Variants in MIPEP observed in about 807,000 individuals in gnomAD.
MIPEP encodes the protein mitochondrial intermediate peptidase.
A neutral mutation model predicts 90.3 loss-of-function variants in MIPEP; 79 were observed. The observed-to-expected ratio is 0.87, with a 90% CI of 0.73 to 1.05. MIPEP has a LOEUF of 1.05. Ranked by LOEUF, MIPEP falls within the 50% of genes least tolerant of loss-of-function variation. The pLI is 0.00. For missense variants in MIPEP, 940 were observed against 905.6 expected (o/e 1.04, Z -0.49); for synonymous variants, 334 against 315.8 (o/e 1.06, Z -0.61).
intron 2 of MIPEP, among the ~76,000 whole-genome samples, chr13:23,882,208 T>C (rs1325096157): frequency 6.6e-6 from 1 of 152,116 alleles, no homozygotes; most frequent in Non-Finnish European, 1.5e-5. Context: ...TAGCTGTGAC[T>C]ACAGGTGCCC....
intron 14 of MIPEP, 49 bp downstream of exon 14, chr13:23,836,191 G>C: frequency 8.2e-7 from 1 of 1,214,980 alleles, no homozygotes; most frequent in South Asian, 1.6e-5. Context: ...TGTCATAAAC[G>C]CCAACTATCA....
chr13:23,731,987 T>TA (rs1331614342), intron 18 of MIPEP, among the ~76,000 whole-genome samples: 1 of 149,372 alleles, frequency 6.7e-6, no homozygotes, highest in African/African-American at 2.5e-5. Context: ...TTTTTTTTTT[T>TA]TTTTTTTAAA....
chr13:23,845,881 TC>T (rs1869516768), intron 10 of MIPEP, among the ~76,000 whole-genome samples: 1 of 152,166 alleles, frequency 6.6e-6, no homozygotes, highest in Non-Finnish European at 1.5e-5. Context: ...ATATTTATAG[TC>T]TATATTTTAG....
intron 17 of MIPEP, among the ~76,000 whole-genome samples, chr13:23,757,199 G>A (rs1353775604): frequency 1.3e-5 from 2 of 152,086 alleles, no homozygotes; most frequent in Non-Finnish European, 1.5e-5. Flanking sequence ...AGTCTCATAA[G>A]GAGTGCCCAT....
intron 16 of MIPEP, among the ~76,000 whole-genome samples, chr13:23,802,457 A>G (rs1389774343): frequency 1.3e-5 from 2 of 151,920 alleles, no homozygotes; most frequent in Non-Finnish European, 2.9e-5. Context: ...AATCCCAGCT[A>G]CTCAGGAGGC....
At chr13:23,861,575 T>C (rs981624761) in intron 9 of MIPEP, among the ~76,000 whole-genome samples, 2 of 152,200 alleles carry the variant, frequency 1.3e-5, no homozygotes, top group Non-Finnish European at 2.9e-5. Context: ...CAAGGCCCAT[T>C]TCCCTAAATC....
At chr13:23,820,226 T>C (rs1318440539) in intron 14 of MIPEP, among the ~76,000 whole-genome samples, 2 of 152,226 alleles carry the variant, frequency 1.3e-5, no homozygotes, top group African/African-American at 2.4e-5. Context: ...CGTGCTTGTG[T>C]TGACTGAACA....
At chr13:23,768,324 T>C (rs867298458) in intron 16 of MIPEP, among the ~76,000 whole-genome samples, 2 of 152,358 alleles carry the variant, frequency 1.3e-5, no homozygotes, top group Middle Eastern at 3.4e-3. Context: ...ACTTTGTTTC[T>C]ACCATGTCTG....
chr13:23,770,766 A>T (rs1177318682), intron 16 of MIPEP, among the ~76,000 whole-genome samples: 1 of 152,148 alleles, frequency 6.6e-6, no homozygotes, highest in Admixed American at 6.5e-5. Context: ...TTTATTGAAG[A>T]GGGGGTAGAA....
intron 10 of MIPEP, among the ~76,000 whole-genome samples, chr13:23,858,283 T>C (rs1256694854): frequency 2.0e-5 from 3 of 151,980 alleles, no homozygotes; most frequent in Non-Finnish European, 4.4e-5. Context: ...TTCTCCAATA[T>C]AATAAACACA....
intron 16 of MIPEP, among the ~76,000 whole-genome samples, chr13:23,790,748 C>T (rs545798480): frequency 3.7e-4 from 57 of 152,344 alleles, no homozygotes; most frequent in African/African-American, 1.3e-3. Context: ...AGCCCATTAA[C>T]ACTCACTGTG....
chr13:23,776,733 G>C (rs1051108772), intron 16 of MIPEP, among the ~76,000 whole-genome samples: 4 of 151,940 alleles, frequency 2.6e-5, no homozygotes, highest in Non-Finnish European at 5.9e-5. Flanking sequence ...CACTGGGCAG[G>C]ATAAGTTAAC....
chr13:23,783,173 A>C (rs1440068521), intron 16 of MIPEP, among the ~76,000 whole-genome samples: 1 of 152,188 alleles, frequency 6.6e-6, no homozygotes, highest in Non-Finnish European at 1.5e-5. Context: ...TTTTAGACCA[A>C]TATCCCTGAT....
chr13:23,826,094 A>T (rs1425991205), intron 14 of MIPEP, among the ~76,000 whole-genome samples: 1 of 152,172 alleles, frequency 6.6e-6, no homozygotes, highest in Non-Finnish European at 1.5e-5. Context: ...AACAAGAAAC[A>T]TATAAAGATT....
At chr13:23,767,684 C>T (rs1008130282) in intron 16 of MIPEP, among the ~76,000 whole-genome samples, 31 of 152,120 alleles carry the variant, frequency 2.0e-4, no homozygotes, top group Non-Finnish European at 1.6e-4. Context: ...GAACTCCTGA[C>T]CTCGTGATCT....
At chr13:23,862,788 G>A (rs1870363448) in intron 8 of MIPEP, among the ~76,000 whole-genome samples, 1 of 152,052 alleles carries the variant, frequency 6.6e-6, no homozygotes, top group South Asian at 2.1e-4. Context: ...AACTCTAGCT[G>A]GTCAATAATT....
chr13:23,870,719 C>T (rs181063581), intron 5 of MIPEP, among the ~76,000 whole-genome samples: 22 of 152,120 alleles, frequency 1.4e-4, no homozygotes, highest in African/African-American at 5.3e-4. Flanking sequence ...GCACGAGAAT[C>T]GCTCGAACCC....
chr13:23,828,484 G>A (rs910983863), intron 14 of MIPEP, among the ~76,000 whole-genome samples: 1 of 152,196 alleles, frequency 6.6e-6, no homozygotes, highest in Non-Finnish European at 1.5e-5. Context: ...CAAAGCTGCT[G>A]TAAACAAGAG....
chr13:23,864,062 A>AT (rs1375395291), intron 8 of MIPEP, 79 bp downstream of exon 8: 4 of 851,438 alleles, frequency 4.7e-6, no homozygotes, highest in Non-Finnish European at 7.3e-6. Flanking sequence ...TCACTTCCTA[A>AT]TTTTTTATAA....
Sources: allele counts gnomAD v4.1 joint callset (sites outside exome capture counted in the v4.1 genomes callset), GRCh38; gene constraint gnomAD v4.1.1; transcripts MANE v1.5; gene names NCBI Gene and HGNC (gene_info 2026-07-23, HGNC 2026-07-21).